The following ZNF385D variants were observed in gnomAD, a reference collection of about 807,000 sequenced individuals.
ZNF385D encodes the protein zinc finger protein 385D.
ZNF385D carries 15 observed loss-of-function variants against 35.8 expected under a neutral mutation model. The ratio of observed to expected loss-of-function variants is 0.42; its 90% CI spans 0.28 to 0.64. ZNF385D has a LOEUF of 0.64. Among genes scored for constraint, ZNF385D ranks in the 30% least tolerant of loss-of-function variants. The pLI is 0.23. For synonymous variants in ZNF385D, 212 were observed against 186.8 expected (o/e 1.13, Z -1.10); for missense variants, 474 against 494.6 (o/e 0.96, Z 0.39).
chr3:21,722,000 T>C (rs1575531363), intron 1 of ZNF385D, among the ~76,000 whole-genome samples: 1 of 149,540 alleles, frequency 6.7e-6, no homozygotes, highest in Admixed American at 6.7e-5. Flanking sequence ...CTCAGGAGGC[T>C]GAGGGAGGAG....
chr3:21,587,904 TCAGA>T (rs897287188), intron 2 of ZNF385D, among the ~76,000 whole-genome samples: 2 of 152,214 alleles, frequency 1.3e-5, no homozygotes, highest in African/African-American at 2.4e-5. Flanking sequence ...AAAGGGATTA[TCAGA>T]CAGGCCAATT....
At chr3:21,571,124 A>T (rs2063323111) in intron 2 of ZNF385D, among the ~76,000 whole-genome samples, 1 of 152,174 alleles carries the variant, frequency 6.6e-6, no homozygotes, top group Non-Finnish European at 1.5e-5. Flanking sequence ...AAAGAGATGG[A>T]ACATTTTCAG....
intron 2 of ZNF385D, among the ~76,000 whole-genome samples, chr3:22,272,628 C>T (rs1701234894): frequency 6.6e-6 from 1 of 151,914 alleles, no homozygotes; most frequent in Non-Finnish European, 1.5e-5. Flanking sequence ...AGTGTTATCA[C>T]CATAGCCCTC....
At chr3:22,001,831 C>T (rs1417676660) in intron 3 of ZNF385D, among the ~76,000 whole-genome samples, 12 of 151,632 alleles carry the variant, frequency 7.9e-5, no homozygotes, top group Admixed American at 2.6e-4. Context: ...GAAAATTAAA[C>T]ATATTCCTGA....
At chr3:21,775,370 C>T (rs1230946042) in intron 3 of ZNF385D, among the ~76,000 whole-genome samples, 1 of 151,412 alleles carries the variant, frequency 6.6e-6, no homozygotes, top group African/African-American at 2.4e-5. Context: ...AAAGTTATGA[C>T]CAGTGAGGAA....
chr3:22,083,090 AC>A (rs1349961573), intron 3 of ZNF385D, among the ~76,000 whole-genome samples: 2 of 152,176 alleles, frequency 1.3e-5, no homozygotes, highest in Non-Finnish European at 2.9e-5. Context: ...ATCATCAAAG[AC>A]CAAAGGTAGA....
intron 3 of ZNF385D, among the ~76,000 whole-genome samples, chr3:22,027,211 C>T (rs6550652): frequency 0.015 from 2,352 of 152,286 alleles, 57 homozygotes; most frequent in African/African-American, 0.054. Flanking sequence ...AGGTACAATG[C>T]CTAGTCCACT....
chr3:22,048,317 C>G (rs1420110378), intron 3 of ZNF385D, among the ~76,000 whole-genome samples: 1 of 151,942 alleles, frequency 6.6e-6, no homozygotes, highest in Non-Finnish European at 1.5e-5. Flanking sequence ...GGGCCATATT[C>G]AAAAAAATCA....
At chr3:21,834,548 T>C (rs1480842681) in intron 3 of ZNF385D, among the ~76,000 whole-genome samples, 1 of 152,172 alleles carries the variant, frequency 6.6e-6, no homozygotes, top group African/African-American at 2.4e-5. Flanking sequence ...CATTGACCTG[T>C]TGAATTAAAT....
intron 2 of ZNF385D, among the ~76,000 whole-genome samples, chr3:22,182,076 A>C (rs992232234): frequency 6.6e-6 from 1 of 152,098 alleles, no homozygotes; most frequent in Non-Finnish European, 1.5e-5. Context: ...GTAGCCTGGA[A>C]GAAGTCCTGG....
At chr3:21,548,681 T>A (rs1327034570) in intron 3 of ZNF385D, among the ~76,000 whole-genome samples, 4 of 152,254 alleles carry the variant, frequency 2.6e-5, no homozygotes, top group African/African-American at 9.6e-5. Context: ...GATATCCACC[T>A]TGAATAACTT....
intron 2 of ZNF385D, among the ~76,000 whole-genome samples, chr3:22,309,288 A>ACTAT (rs1703404124): frequency 1.2e-5 from 1 of 83,010 alleles, no homozygotes; most frequent in African/African-American, 5.5e-5. Flanking sequence ...TTTACTTGTA[A>ACTAT]TTATTTATCT....
intron 3 of ZNF385D, among the ~76,000 whole-genome samples, chr3:21,905,362 A>G (rs1699627771): frequency 6.6e-6 from 1 of 152,116 alleles, no homozygotes; most frequent in Admixed American, 6.5e-5. Context: ...AGATAGCAGC[A>G]GACTTTTCTT....
chr3:21,634,181 A>T (rs568483160), intron 2 of ZNF385D, among the ~76,000 whole-genome samples: 2 of 151,976 alleles, frequency 1.3e-5, no homozygotes, highest in East Asian at 3.9e-4. Flanking sequence ...TGGGTGACAG[A>T]GTGAGAACCT....
chr3:21,753,125 T>G (rs2070180864), upstream of ZNF385D, among the ~76,000 whole-genome samples: 1 of 152,196 alleles, frequency 6.6e-6, no homozygotes, highest in Admixed American at 6.5e-5. Context: ...TAAAAGGCAC[T>G]TTCACATGTC....
At chr3:21,494,494 G>A (rs1705671474) in intron 4 of ZNF385D, among the ~76,000 whole-genome samples, 1 of 152,120 alleles carries the variant, frequency 6.6e-6, no homozygotes, top group African/African-American at 2.4e-5. Context: ...ATTATGGGAA[G>A]ATTAAGTTTA....
chr3:21,764,519 G>T (rs1430021693), intron 3 of ZNF385D, among the ~76,000 whole-genome samples: 1 of 152,180 alleles, frequency 6.6e-6, no homozygotes, highest in Non-Finnish European at 1.5e-5. Context: ...GCTCAGGTTT[G>T]CTGTCTACAT....
intron 3 of ZNF385D, among the ~76,000 whole-genome samples, chr3:21,768,917 T>C (rs1447813106): frequency 2.0e-5 from 3 of 151,900 alleles, no homozygotes; most frequent in African/African-American, 4.8e-5. Context: ...AACTACTAAA[T>C]AAATGGGAAA....
rs193151477 is a variant in ZNF385D, at chr3:22,046,806, T to G, written c.325+122011A>C. On this transcript the variant is annotated intron_variant, in intron 3 of 5. Coordinates refer to the ZNF385D transcript ENST00000494108. ...ACAAAAGGCACTTTTCTAAGTCGAA[T>G]TGTATTTGGAGAAACAATTTATTTT... Among the ~76,000 whole-genome samples, 25 of 152,270 alleles carry G rather than the reference T, an allele frequency of 1.6e-4. No homozygotes were observed. In the East Asian group the frequency reaches 4.2e-3, roughly 26 times the overall value.
Sources: allele counts gnomAD v4.1 joint callset (sites outside exome capture counted in the v4.1 genomes callset), GRCh38; gene constraint gnomAD v4.1.1; transcripts MANE v1.5; gene names NCBI Gene and HGNC (gene_info 2026-07-23, HGNC 2026-07-21).